Variants in SEMA4D observed in about 807,000 individuals in gnomAD.
SEMA4D encodes semaphorin 4D.
SEMA4D carries 22 observed loss-of-function variants against 74.8 expected under a neutral mutation model. The observed-to-expected ratio is 0.29, with a 90% CI of 0.21 to 0.42. The LOEUF is 0.42. Ranked by LOEUF, SEMA4D falls within the 10% of genes least tolerant of loss-of-function variation. The pLI, the probability that SEMA4D is intolerant of heterozygous loss-of-function variation, is 1.00. For synonymous variants in SEMA4D, 445 were observed against 463.7 expected (o/e 0.96, Z 0.52); for missense variants, 937 against 1,118.4 (o/e 0.84, Z 2.31).
intron 18 of SEMA4D, among the ~76,000 whole-genome samples, chr9:89,362,734 G>A (rs908934160): frequency 1.3e-5 from 2 of 152,260 alleles, no homozygotes; most frequent in Non-Finnish European, 2.9e-5. Flanking sequence ...AGCCTTTGGT[G>A]GCAACAGTTC....
intron 2 of SEMA4D, among the ~76,000 whole-genome samples, chr9:89,421,272 G>A (rs1430532009): frequency 2.0e-5 from 3 of 152,212 alleles, no homozygotes; most frequent in Non-Finnish European, 4.4e-5. Flanking sequence ...AGCAATGGGG[G>A]ACCTTCTGCT....
chr9:89,382,265 G>A (rs1402779190), intron 13 of SEMA4D, among the ~76,000 whole-genome samples: 2 of 152,222 alleles, frequency 1.3e-5, no homozygotes, highest in East Asian at 1.9e-4. Flanking sequence ...CCCGTGGAGC[G>A]CGCTCTCTAG....
intron 2 of SEMA4D, among the ~76,000 whole-genome samples, chr9:89,420,026 T>C (rs1183937835): frequency 6.6e-6 from 1 of 152,200 alleles, no homozygotes; most frequent in Non-Finnish European, 1.5e-5. Context: ...AAGACACGTA[T>C]CATATTCACG....
At chr9:89,469,692 A>G (rs1859690518) in intron 1 of SEMA4D, among the ~76,000 whole-genome samples, 1 of 152,268 alleles carries the variant, frequency 6.6e-6, no homozygotes, top group African/African-American at 2.4e-5. Flanking sequence ...CAGAAAATGC[A>G]TTTAAAAAAT....
downstream of SEMA4D, among the ~76,000 whole-genome samples, chr9:89,373,698 G>C (rs1835419538): frequency 6.6e-6 from 1 of 152,202 alleles, no homozygotes; most frequent in South Asian, 2.1e-4. Context: ...ACCCAGCCAA[G>C]TTCCAAAGCA....
chr9:89,403,233 T>C (rs1421051517), intron 3 of SEMA4D, among the ~76,000 whole-genome samples: 1 of 152,178 alleles, frequency 6.6e-6, no homozygotes, highest in African/African-American at 2.4e-5. Context: ...GGTGTGCTCA[T>C]GGGAACCACT....
intron 12 of SEMA4D, chr9:89,386,815 G>A (rs907408022): frequency 1.0e-5 from 3 of 291,466 alleles, no homozygotes; most frequent in Non-Finnish European, 2.0e-5. Context: ...AGCCCTCGGG[G>A]TGTCACTGGT....
rs1491451024 is a variant in SEMA4D, at chr9:89,450,660, G to GGAAAAAAAAAAAAAAAAAAAAAAA, written c.-244+5227_-244+5228insTTTTTTTTTTTTTTTTTTTTTTTC. The GGAAAAAAAAAAAAAAAAAAAAAAA allele has an allele frequency of 1.3e-4, 58 of 430,452 alleles. 5 individuals are homozygous for GGAAAAAAAAAAAAAAAAAAAAAAA. Among genetic ancestry groups the GGAAAAAAAAAAAAAAAAAAAAAAA allele is most frequent in the Middle Eastern group, 1.5e-3 (2 of 1,364 alleles). 26.7% of individuals were successfully genotyped at this position (430,452 alleles called of 1,614,324 possible). A position where few individuals can be genotyped will look rare whatever the true frequency, so the allele number is the denominator to read the frequency against. On this transcript the variant is annotated intron_variant, in intron 2 of 15. Coordinates refer to ENST00000422704, the MANE Select transcript of SEMA4D (RefSeq NM_001371194.2). ...GAGTTCTGCAAGTCGAAAAACCCAG[G>GGAAAAAAAAAAAAAAAAAAAAAAA]AAAAAAAAAAAAAAAAAAAAAAAAA...
chr9:89,483,569 A>G (rs1824891884), intron 1 of SEMA4D, among the ~76,000 whole-genome samples: 1 of 152,230 alleles, frequency 6.6e-6, no homozygotes, highest in South Asian at 2.1e-4. Context: ...ATTTCCATGC[A>G]GTTACACATA....
intron 1 of SEMA4D, among the ~76,000 whole-genome samples, chr9:89,486,773 G>A (rs1264819492): frequency 6.6e-6 from 1 of 152,142 alleles, no homozygotes; most frequent in Admixed American, 6.5e-5. Context: ...CAGGCATAGT[G>A]GTGTATGCTT....
chr9:89,403,107 AGT>A, intron 3 of SEMA4D, 91 bp from the exon 4 acceptor site: 1 of 1,428,732 alleles, frequency 7.0e-7, no homozygotes, highest in Non-Finnish European at 9.6e-7. Context: ...TCCCTGTCTC[AGT>A]GACAATGAGC....
At chr9:89,496,295 G>T (rs1215760976) in intron 1 of SEMA4D, among the ~76,000 whole-genome samples, 1 of 152,152 alleles carries the variant, frequency 6.6e-6, no homozygotes, top group Non-Finnish European at 1.5e-5. Context: ...CAAGACCTTG[G>T]GCTGGCATGG....
At chr9:89,390,611 C>T (rs540559758) in intron 9 of SEMA4D, among the ~76,000 whole-genome samples, 11 of 152,374 alleles carry the variant, frequency 7.2e-5, no homozygotes, top group Admixed American at 5.9e-4. Context: ...CAAGAACTAT[C>T]TACCAATTTC....
chr9:89,463,876 G>C (rs893496797), intron 1 of SEMA4D, among the ~76,000 whole-genome samples: 2 of 151,516 alleles, frequency 1.3e-5, no homozygotes, highest in African/African-American at 4.9e-5. Context: ...GGAGGTTGCG[G>C]TGAGCCGAGA....
chr9:89,402,945 C>T lies in SEMA4D; in HGVS notation c.178G>A (p.Asp60Asn). The change falls in exon 4 of 16, where the codon GAC (aspartate) becomes AAC (asparagine). Residue 60 changes from aspartate (D) to asparagine (N), a missense_variant. Coordinates refer to ENST00000422704, the MANE Select transcript of SEMA4D (RefSeq NM_001371194.2). The stretch of plus-strand genomic sequence containing the variant: ...TCCCGGGCACCTATGTACAAGGTGT[C>T]CTTGTCCTCGCTCAGCAGCAAGGCT... Reference protein sequence around the residue: ...YSALLLSEDKDTLYIGAREAV... With the variant: ...YSALLLSEDKNTLYIGAREAV... 6.2e-7 allele frequency: 1 copy of T among 1,614,106 alleles called. No homozygotes were observed. The highest frequency in any genetic ancestry group is 8.5e-7 in the Non-Finnish European group (1 of 1,179,938).
chr9:89,419,468 T>C (rs1021343845), intron 2 of SEMA4D, among the ~76,000 whole-genome samples: 3 of 152,132 alleles, frequency 2.0e-5, no homozygotes, highest in Non-Finnish European at 4.4e-5. Flanking sequence ...GCCACATCAC[T>C]TGTTTCCACG....
intron 2 of SEMA4D, among the ~76,000 whole-genome samples, chr9:89,443,276 A>G (rs2135183969): frequency 6.6e-6 from 1 of 152,302 alleles, no homozygotes; most frequent in Non-Finnish European, 1.5e-5. Context: ...CCAGTGCTCA[A>G]CTGGACACAC....
In SEMA4D at chr9:89,492,209, G is replaced by A. The variant is rs1051926297; in HGVS notation, c.-310+5710C>T. ...TCCCAGACCACATGGATAAACCCCA[G>A]GTTGTCTTCGGTTCTCACCTTCGTG... On this transcript the variant is annotated intron_variant, in intron 1 of 15. Coordinates refer to ENST00000422704, the MANE Select transcript of SEMA4D (RefSeq NM_001371194.2). This position sits in a 1 kb window ranked among gnomAD's most constrained non-coding sequence, Gnocchi z 4.3. 9.2e-5 allele frequency among the ~76,000 whole-genome samples: 14 copies of A among 152,196 alleles called. No individual in the cohort carries two copies. The highest frequency in any genetic ancestry group is 3.3e-4 in the Admixed American group (5 of 15,292).
intron 6 of SEMA4D, among the ~76,000 whole-genome samples, chr9:89,395,277 T>C (rs1381510695): frequency 6.6e-6 from 1 of 151,864 alleles, no homozygotes; most frequent in Non-Finnish European, 1.5e-5. Flanking sequence ...AATACAAAAT[T>C]AGCCAGACGT....
Sources: allele counts gnomAD v4.1 joint callset (sites outside exome capture counted in the v4.1 genomes callset), GRCh38; gene constraint gnomAD v4.1.1; non-coding constraint Gnocchi (gnomAD v3.1); transcripts MANE v1.5; gene names NCBI Gene and HGNC (gene_info 2026-07-23, HGNC 2026-07-21).